Variants in GRIA1 observed in about 807,000 individuals in gnomAD.
GRIA1 encodes glutamate receptor 1.
GRIA1 carries 31 observed loss-of-function variants against 99.2 expected under a neutral mutation model. That is an observed-to-expected ratio of 0.31 (90% CI 0.23 to 0.42). The LOEUF (loss-of-function observed/expected upper bound fraction) is 0.42. GRIA1 is among the 10% of genes least tolerant of loss of function. The probability of loss-of-function intolerance (pLI) is 1.00; values close to 1 mark genes in which losing one functional copy is unlikely to be tolerated. For missense variants in GRIA1, 782 were observed against 1,157.5 expected, an observed-to-expected ratio of 0.68 and a Z score of 4.71; for synonymous variants, 438 against 432.4, an observed-to-expected ratio of 1.01 and a Z score of -0.16.
chr5:153,600,128 A>G (rs1443736806), intron 2 of GRIA1, among the ~76,000 whole-genome samples: 2 of 152,112 alleles, frequency 1.3e-5, no homozygotes, highest in Non-Finnish European at 2.9e-5. Flanking sequence ...GCGGTGGCTC[A>G]CGCTTGTAAT....
intron 2 of GRIA1, among the ~76,000 whole-genome samples, chr5:153,637,241 G>A (rs1420628055): frequency 6.6e-6 from 1 of 152,184 alleles, no homozygotes; most frequent in East Asian, 1.9e-4. Context: ...ATCATGTGAG[G>A]TAGGAGGTTC....
At chr5:153,683,776 A>T (rs1264104235) in intron 7 of GRIA1, among the ~76,000 whole-genome samples, 1 of 152,204 alleles carries the variant, frequency 6.6e-6, no homozygotes, top group East Asian at 1.9e-4. Context: ...CATCATTATT[A>T]TCATCTAAAT....
At chr5:153,599,489 C>T (rs368193620) in intron 2 of GRIA1, among the ~76,000 whole-genome samples, 16 of 152,126 alleles carry the variant, frequency 1.1e-4, no homozygotes, top group South Asian at 2.1e-4. Context: ...TATAACATGG[C>T]GTGGTGTTTG....
Position 153,794,545 on chromosome 5 carries a change from C to T in GRIA1, c.2271-76C>T, listed in dbSNP as rs1015448322. 1.0e-5 allele frequency: 10 copies of T among 983,312 alleles called. 1 individual carries two copies. The highest frequency in any genetic ancestry group is 3.9e-5 in the South Asian group (3 of 76,088). 60.9% of individuals were successfully genotyped at this position (983,312 alleles called of 1,614,324 possible). Reference sequence around the variant, plus strand: ...AGGCTGGGTAATGGAGCTGATTCACCGATCCCTTGGGTCACGTGACTTGCT... The same window carrying T: ...AGGCTGGGTAATGGAGCTGATTCACTGATCCCTTGGGTCACGTGACTTGCT... On this transcript the variant is annotated intron_variant, in intron 13 of 15. Coordinates refer to ENST00000285900, the MANE Select transcript of GRIA1 (RefSeq NM_000827.4).
rs188937052 is a variant in GRIA1 at position 153,747,485 on chromosome 5, C to A, written c.1824-16949C>A. ...CATCCAAACTCTCTCAGGGGATACA[C>A]CCACCTGGCCCAAAGAAAGAGATGG... On this transcript the variant is annotated intron_variant, in intron 11 of 15. Transcript: ENST00000285900. Among the ~76,000 whole-genome samples, 6 of 152,308 alleles carry A rather than the reference C, an allele frequency of 3.9e-5. No homozygotes were observed. The South Asian group carries it at 1.0e-3, about 26-fold the overall frequency.
chr5:153,508,805 G>T (rs1755782869), intron 2 of GRIA1, among the ~76,000 whole-genome samples: 1 of 152,134 alleles, frequency 6.6e-6, no homozygotes. Context: ...AATCACATCT[G>T]CAGGTTGCAG....
chr5:153,702,417 A>C (rs1758592580), intron 10 of GRIA1, among the ~76,000 whole-genome samples: 1 of 152,260 alleles, frequency 6.6e-6, no homozygotes, highest in Admixed American at 6.5e-5. Flanking sequence ...GAAACAAGGA[A>C]CGTGAATTCT....
intron 11 of GRIA1, among the ~76,000 whole-genome samples, chr5:153,743,879 G>A (rs1300610501): frequency 1.3e-5 from 2 of 152,128 alleles, no homozygotes. Flanking sequence ...ATAACGGGGT[G>A]GATAATCTCA....
intron 11 of GRIA1, among the ~76,000 whole-genome samples, chr5:153,763,841 G>C (rs1356394146): frequency 6.6e-6 from 1 of 152,162 alleles, no homozygotes; most frequent in Non-Finnish European, 1.5e-5. Flanking sequence ...GTGAGTGGGG[G>C]AAAGAATTGT....
At chr5:153,628,002 T>C (rs1029041917) in intron 2 of GRIA1, among the ~76,000 whole-genome samples, 2 of 152,190 alleles carry the variant, frequency 1.3e-5, no homozygotes, top group Admixed American at 6.5e-5. Context: ...CAGGCTAGCA[T>C]TGATGCAAGA....
chr5:153,711,742 C>T (rs1296272898), intron 11 of GRIA1, among the ~76,000 whole-genome samples: 1 of 152,192 alleles, frequency 6.6e-6, no homozygotes, highest in African/African-American at 2.4e-5. Flanking sequence ...TTATTACACC[C>T]ATGGCCCCAC....
rs1351383414 is a variant in GRIA1, at chr5:153,698,029, T to C, written c.1135-15T>C. On this transcript the variant is annotated splice_polypyrimidine_tract_variant and intron_variant, in intron 8 of 15. Coordinates refer to ENST00000285900, the MANE Select transcript of GRIA1 (RefSeq NM_000827.4). ...GCTGGCCCACCTGACACCTCCACTC[T>C]CTTCTCATTAACAGATTGGTTACTG... is the stretch of plus-strand genomic sequence containing the variant. 1 of 1,480,920 alleles carries C rather than the reference T, an allele frequency of 6.8e-7. No individual in the cohort carries two copies. The highest frequency in any genetic ancestry group is 9.4e-7 in the Non-Finnish European group (1 of 1,059,150). The allele number at this position is 1,480,920 out of a possible 1,614,324, so 91.7% of individuals were successfully genotyped here.
At chr5:153,528,745 A>G (rs1757835166) in intron 2 of GRIA1, among the ~76,000 whole-genome samples, 1 of 152,210 alleles carries the variant, frequency 6.6e-6, no homozygotes. Context: ...CTCATAGTAG[A>G]CATCACATTC....
rs1338304748 is a variant in GRIA1 at position 153,658,948 on chromosome 5, T to A, written c.699+3076T>A. Among the ~76,000 whole-genome samples, 3 of 151,036 alleles carry A rather than the reference T, an allele frequency of 2.0e-5. No homozygotes were observed. The East Asian group carries it at 5.8e-4, about 29-fold the overall frequency. On this transcript the variant is annotated intron_variant, in intron 5 of 15. Coordinates refer to ENST00000285900, the MANE Select transcript of GRIA1 (RefSeq NM_000827.4). ...GAGATTGTAGGTTAGAGAAGACAAC[T>A]TATAGGCAAGGAGTCAAAACAAAAC...
intron 7 of GRIA1, among the ~76,000 whole-genome samples, chr5:153,685,508 A>T (rs1757277591): frequency 6.6e-6 from 1 of 152,204 alleles, no homozygotes; most frequent in Admixed American, 6.5e-5. Context: ...GCATTCTCTT[A>T]TCTGAACACA....
At chr5:153,558,706 T>C (rs761259424) in intron 2 of GRIA1, among the ~76,000 whole-genome samples, 4 of 152,192 alleles carry the variant, frequency 2.6e-5, no homozygotes, top group Non-Finnish European at 4.4e-5. Flanking sequence ...TATTCATACA[T>C]AGTTTTTTAT....
At chr5:153,581,279 A>G (rs1256765818) in intron 2 of GRIA1, among the ~76,000 whole-genome samples, 2 of 152,190 alleles carry the variant, frequency 1.3e-5, no homozygotes, top group East Asian at 3.9e-4. Flanking sequence ...AAATCAGATC[A>G]CCTCAGCCTA....
rs753014797 is a variant in GRIA1 at position 153,503,463 on chromosome 5, G to A, written c.220+9398G>A. On this transcript the variant is annotated intron_variant, in intron 2 of 15. Transcript: ENST00000285900. The stretch of plus-strand genomic sequence containing the variant: ...GAAAAATCAAACATGCTAGGCAAAC[G>A]CAGGGTAATATAATTAACCAGGCTT... Among the ~76,000 whole-genome samples the A allele has an allele frequency of 1.6e-4, 25 of 152,152 alleles. 1 individual carries two copies. In the South Asian group the frequency reaches 1.9e-3, roughly 11 times the overall value.
At chr5:153,801,952 C>CGG (rs11348503) in intron 14 of GRIA1, among the ~76,000 whole-genome samples, 5,131 of 79,110 alleles carry the variant, frequency 0.065, 135 homozygotes, top group African/African-American at 0.11. Context: ...GAAATTGGGG[C>CGG]GGGGGGGGGC....
Sources: allele counts gnomAD v4.1 joint callset (sites outside exome capture counted in the v4.1 genomes callset), GRCh38; gene constraint gnomAD v4.1.1; transcripts MANE v1.5; gene names NCBI Gene and HGNC (gene_info 2026-07-23, HGNC 2026-07-21).